The following AGAP1 variants were observed in gnomAD, a reference collection of about 807,000 sequenced individuals.
AGAP1 encodes ArfGAP with GTPase domain, ankyrin repeat and PH domain 1.
Under a neutral mutation model 105.3 loss-of-function variants are expected in AGAP1, and 29 were observed. That is an observed-to-expected ratio of 0.28 (90% CI 0.21 to 0.38). The LOEUF (loss-of-function observed/expected upper bound fraction) is 0.38. Ranked by LOEUF, AGAP1 falls within the 10% of genes least tolerant of loss-of-function variation. AGAP1 has a pLI of 1.00. For synonymous variants in AGAP1, 509 were observed against 485.9 expected, an observed-to-expected ratio of 1.05 and a Z score of -0.63; for missense variants, 998 against 1,165.1, an observed-to-expected ratio of 0.86 and a Z score of 2.09.
chr2:235,861,603 G>T (rs1002736648), intron 9 of AGAP1, among the ~76,000 whole-genome samples: 1 of 152,212 alleles, frequency 6.6e-6, no homozygotes, highest in African/African-American at 2.4e-5. Flanking sequence ...GTTTAGCAGG[G>T]CAGCCTCTGC....
intron 8 of AGAP1, among the ~76,000 whole-genome samples, chr2:235,805,934 T>C (rs1287052457): frequency 6.6e-6 from 1 of 152,194 alleles, no homozygotes; most frequent in East Asian, 1.9e-4. Flanking sequence ...CTGAGAAGCA[T>C]GTTTCCTAAT....
chr2:235,952,923 G>A (rs1168717056), intron 12 of AGAP1, among the ~76,000 whole-genome samples: 1 of 152,214 alleles, frequency 6.6e-6, no homozygotes, highest in East Asian at 1.9e-4. Flanking sequence ...GGCTCCAAGA[G>A]CCAGAGTATT....
intron 9 of AGAP1, among the ~76,000 whole-genome samples, chr2:235,844,671 T>C (rs917106008): frequency 1.3e-5 from 2 of 152,084 alleles, no homozygotes; most frequent in African/African-American, 4.8e-5. Flanking sequence ...TTCTGTCTCA[T>C]CCACTCCCAA....
chr2:235,899,385 C>T (rs1197278721), intron 10 of AGAP1, among the ~76,000 whole-genome samples: 1 of 152,128 alleles, frequency 6.6e-6, no homozygotes, highest in Non-Finnish European at 1.5e-5. Context: ...TGGTTGCAGG[C>T]GCCTGTAATC....
At chr2:235,921,365 A>G (rs2052174488) in intron 11 of AGAP1, among the ~76,000 whole-genome samples, 1 of 152,238 alleles carries the variant, frequency 6.6e-6, no homozygotes, top group Admixed American at 6.5e-5. Context: ...CAATGTATGC[A>G]TATGTTCAAT....
At position 235,719,247 on chromosome 2, in the gene AGAP1, G is replaced by A. The variant is rs973623977; in HGVS notation, c.310+1603G>A. Among the ~76,000 whole-genome samples, 4 of 152,168 alleles carry A rather than the reference G, an allele frequency of 2.6e-5. No homozygotes were observed. The highest frequency in any genetic ancestry group is 9.7e-5 in the African/African-American group (4 of 41,436). ...TCAGGTGTCTGGTGGGGCAGCGCTG[G>A]AGGCCCTGGGTTTCTGGAGTAAGAA... On this transcript the variant is annotated intron_variant, in intron 3 of 17. Transcript: ENST00000304032. This position sits in a 1 kb window ranked among gnomAD's most constrained non-coding sequence, Gnocchi z 4.9.
chr2:235,758,264 A>T (rs1954102775), intron 6 of AGAP1, among the ~76,000 whole-genome samples: 1 of 152,220 alleles, frequency 6.6e-6, no homozygotes, highest in Non-Finnish European at 1.5e-5. Context: ...GAAAAGGTGG[A>T]TTAATGGGTC....
intron 8 of AGAP1, among the ~76,000 whole-genome samples, chr2:235,805,910 G>A (rs1477808747): frequency 1.3e-5 from 2 of 152,214 alleles, no homozygotes; most frequent in East Asian, 3.8e-4. Context: ...ATAAGCATCA[G>A]CTCTTATCAC....
chr2:235,703,629 C>T lies in AGAP1; in HGVS notation c.164-5550C>T, dbSNP rs201955355. Reference sequence around the variant, plus strand: ...GGCTGGAGTGCAGCCTTCCCTCCCTCGCTCTATCCCCCAGGCTGGAGTGCG... The same window carrying T: ...GGCTGGAGTGCAGCCTTCCCTCCCTTGCTCTATCCCCCAGGCTGGAGTGCG... On this transcript the variant is annotated intron_variant, in intron 1 of 17. Transcript: ENST00000304032. 3.1e-4 allele frequency among the ~76,000 whole-genome samples: 46 copies of T among 149,626 alleles called. No homozygotes were observed. In the East Asian group the frequency reaches 7.1e-3, roughly 23 times the overall value.
chr2:235,687,547 A>G (rs1949515737), intron 1 of AGAP1, among the ~76,000 whole-genome samples: 1 of 152,216 alleles, frequency 6.6e-6, no homozygotes, highest in African/African-American at 2.4e-5. Flanking sequence ...TTCCAAACAG[A>G]TATATTGGAT....
Position 235,930,875 on chromosome 2 carries a change from G to C in AGAP1, c.1435G>C (p.Asp479His). 6.2e-7 allele frequency: 1 copy of C among 1,614,094 alleles called. No homozygotes were observed. Among genetic ancestry groups the C allele is most frequent in the Non-Finnish European group, 8.5e-7 (1 of 1,180,010 alleles). ...HQRSYSVSSA[D>H]QWSEATVIAN... ...GCGCTCCTACTCAGTCTCCAGTGCCGACCAGTGGAGTGAGGCTACGGTCAT... is the reference window on the plus strand; with the variant it reads ...GCGCTCCTACTCAGTCTCCAGTGCCCACCAGTGGAGTGAGGCTACGGTCAT... Residue 479 changes from aspartate (D) to histidine (H), a missense_variant, in exon 12 of 18, where the codon GAC (aspartate) becomes CAC (histidine). This residue lies in a region of AGAP1 where 735 missense variants were observed against 833.4 expected (regional missense o/e 0.88). Coordinates refer to ENST00000304032, the MANE Select transcript of AGAP1 (RefSeq NM_001037131.3). The surrounding 1 kb of genome is among the most constrained non-coding windows in gnomAD (Gnocchi z 7.9).
intron 9 of AGAP1, among the ~76,000 whole-genome samples, chr2:235,808,375 GTC>G (rs1460177240): frequency 1.3e-5 from 2 of 152,226 alleles, no homozygotes; most frequent in Non-Finnish European, 2.9e-5. Context: ...AAAGGGGAGA[GTC>G]TTTCCACACA....
chr2:235,834,398 G>C (rs1413245563), intron 9 of AGAP1, among the ~76,000 whole-genome samples: 1 of 152,160 alleles, frequency 6.6e-6, no homozygotes, highest in Non-Finnish European at 1.5e-5. Context: ...GTGTATCCTG[G>C]TTCATCCTCT....
At chr2:235,525,763 T>A (rs1942810843) in intron 1 of AGAP1, among the ~76,000 whole-genome samples, 1 of 34,220 alleles carries the variant, frequency 2.9e-5, no homozygotes, top group Non-Finnish European at 6.6e-5. Context: ...TGATACATAA[T>A]GTGGAGGACT....
chr2:235,510,916 G>C (rs1942075440), intron 1 of AGAP1, among the ~76,000 whole-genome samples: 1 of 137,290 alleles, frequency 7.3e-6, no homozygotes, highest in Admixed American at 8.5e-5. Context: ...CTCTCCTTGT[G>C]ACCTCTGGCC....
At chr2:235,898,279 G>A (rs536513623) in intron 10 of AGAP1, among the ~76,000 whole-genome samples, 21 of 152,266 alleles carry the variant, frequency 1.4e-4, no homozygotes, top group African/African-American at 5.1e-4. Context: ...AAAGGGAACG[G>A]GGCCTTTTGT....
chr2:235,924,804 G>A (rs936087346), intron 11 of AGAP1, among the ~76,000 whole-genome samples: 10 of 152,190 alleles, frequency 6.6e-5, no homozygotes, highest in Admixed American at 2.0e-4. Flanking sequence ...TTGCTGTGGA[G>A]AGCGACATTT....
Position 235,934,785 on chromosome 2 carries a change from A to G in AGAP1, c.1483+3862A>G, listed in dbSNP as rs892933421. On this transcript the variant is annotated intron_variant, in intron 12 of 17. Coordinates refer to ENST00000304032, the MANE Select transcript of AGAP1 (RefSeq NM_001037131.3). The surrounding 1 kb of genome is among the most constrained non-coding windows in gnomAD (Gnocchi z 4.9). ...AGGAATGAATGGGGAGAGCCTAAGC[A>G]GCTTTGGAATACAGACGCCCGTGTT... Among the ~76,000 whole-genome samples, 1 of 152,058 alleles carries G rather than the reference A, an allele frequency of 6.6e-6. No homozygotes were observed. Among genetic ancestry groups the G allele is most frequent in the African/African-American group, 2.4e-5 (1 of 41,394 alleles).
chr2:235,509,423 C>G (rs761292646), intron 1 of AGAP1, among the ~76,000 whole-genome samples: 1 of 151,668 alleles, frequency 6.6e-6, no homozygotes, highest in Non-Finnish European at 1.5e-5. Flanking sequence ...TTAGTAGAGA[C>G]GGTTTCACCA....
Sources: allele counts gnomAD v4.1 joint callset (sites outside exome capture counted in the v4.1 genomes callset), GRCh38; gene constraint gnomAD v4.1.1; regional missense constraint gnomAD v4.1.1; non-coding constraint Gnocchi (gnomAD v3.1); transcripts MANE v1.5; gene names NCBI Gene and HGNC (gene_info 2026-07-23, HGNC 2026-07-21).